FLT1: variants seen among roughly 807,000 people sequenced by gnomAD.
The protein encoded by FLT1 is vascular endothelial growth factor receptor 1.
Under a neutral mutation model 156.3 loss-of-function variants are expected in FLT1, and 49 were observed. The observed-to-expected ratio is 0.31, with a 90% CI of 0.25 to 0.40. The LOEUF is 0.40. Among genes scored for constraint, FLT1 ranks in the 10% least tolerant of loss-of-function variants. FLT1 has a pLI of 1.00. For missense variants in FLT1, 1,322 were observed against 1,637.2 expected (o/e 0.81, Z 3.32); for synonymous variants, 594 against 583.8 (o/e 1.02, Z -0.25).
chr13:28,392,659 C>T (rs549049606), intron 12 of FLT1, among the ~76,000 whole-genome samples: 2 of 152,186 alleles, frequency 1.3e-5, no homozygotes, highest in Non-Finnish European at 2.9e-5. Context: ...CAAGCACCAC[C>T]AGGAATCTCA....
At chr13:28,387,808 T>A (rs56065910) in intron 13 of FLT1, 87 of 927,854 alleles carry the variant, frequency 9.4e-5, no homozygotes, top group Middle Eastern at 1.0e-3. Context: ...AAAGTTTCTT[T>A]AAAAAAAAAA....
Position 28,301,270 on chromosome 13 carries a change from G to T in FLT1, c.*1897C>A, listed in dbSNP as rs1870504549. On this transcript the variant is annotated 3_prime_UTR_variant, in exon 30 of 30. Coordinates refer to ENST00000282397, the MANE Select transcript of FLT1 (RefSeq NM_002019.4). ...TTTATAAAATTGCCAGCTGTCACAG[G>T]TGGTTTGCGTATGTAAAGAAGAGGA... 1 of 224,766 alleles carries T rather than the reference G, an allele frequency of 4.4e-6. No individual in the cohort carries two copies. The highest frequency in any genetic ancestry group is 1.8e-4 in the South Asian group (1 of 5,434). 13.9% of individuals were successfully genotyped at this position (224,766 alleles called of 1,614,324 possible). A position where few individuals can be genotyped will look rare whatever the true frequency, so the allele number is the denominator to read the frequency against.
intron 13 of FLT1, chr13:28,385,872 A>T: frequency 9.5e-7 from 1 of 1,052,484 alleles, no homozygotes; most frequent in African/African-American, 1.7e-5. Context: ...ATCTCTAATG[A>T]AGTAGTCAGT....
intron 10 of FLT1, among the ~76,000 whole-genome samples, chr13:28,415,215 C>T (rs1876574608): frequency 6.6e-6 from 1 of 152,230 alleles, no homozygotes; most frequent in African/African-American, 2.4e-5. Flanking sequence ...TGCGGTGGCT[C>T]ATGCCTGTAA....
chr13:28,312,529 T>C (rs1871047961), intron 25 of FLT1, among the ~76,000 whole-genome samples: 2 of 152,048 alleles, frequency 1.3e-5, no homozygotes, highest in African/African-American at 4.8e-5. Flanking sequence ...AAAAAAGTCA[T>C]ACAGCCATAA....
At chr13:28,384,496 T>A (rs945370175) in intron 14 of FLT1, among the ~76,000 whole-genome samples, 1 of 150,918 alleles carries the variant, frequency 6.6e-6, no homozygotes, top group Non-Finnish European at 1.5e-5. Context: ...ATTATAAATC[T>A]ACTTTTCTGA....
chr13:28,318,046 A>G (rs1158582399), intron 24 of FLT1, among the ~76,000 whole-genome samples: 1 of 151,610 alleles, frequency 6.6e-6, no homozygotes, highest in African/African-American at 2.4e-5. Context: ...GCAGCCTCGA[A>G]CTCCTGGGCT....
At chr13:28,387,731 T>C in intron 13 of FLT1, 1 of 1,043,848 alleles carries the variant, frequency 9.6e-7, no homozygotes, top group Non-Finnish European at 1.2e-6. Flanking sequence ...CTCCGTTATC[T>C]TCACCTCCCT....
chr13:28,421,556 C>T (rs1877003823), intron 10 of FLT1, among the ~76,000 whole-genome samples: 1 of 151,660 alleles, frequency 6.6e-6, no homozygotes, highest in Non-Finnish European at 1.5e-5. Context: ...CTTACTGGGC[C>T]CTTATTAACA....
intron 12 of FLT1, chr13:28,396,668 C>CT (rs1255720135): frequency 2.0e-6 from 1 of 500,816 alleles, no homozygotes; most frequent in Admixed American, 3.0e-5. Context: ...AGACCCTGTG[C>CT]TAGGTACTGA....
chr13:28,373,122 A>AT (rs377009863), intron 14 of FLT1, among the ~76,000 whole-genome samples: 48 of 152,350 alleles, frequency 3.2e-4, no homozygotes, highest in African/African-American at 1.1e-3. Context: ...GATTAAGGCA[A>AT]TAAAAGGACA....
chr13:28,370,253 A>T (rs1353459698), intron 14 of FLT1, among the ~76,000 whole-genome samples: 11 of 152,142 alleles, frequency 7.2e-5, no homozygotes, highest in Non-Finnish European at 2.9e-5. Flanking sequence ...AACACCATAG[A>T]CAAAGGTCCT....
chr13:28,413,220 G>A (rs1055218507), intron 10 of FLT1, among the ~76,000 whole-genome samples: 1 of 152,102 alleles, frequency 6.6e-6, no homozygotes, highest in African/African-American at 2.4e-5. Context: ...GCTTTTCCGT[G>A]AGCGTCTTGG....
rs1418663249 is a variant in FLT1 at position 28,385,014 on chromosome 13, G to A, written c.1987C>T (p.Leu663Phe). 2.5e-6 allele frequency: 4 copies of A among 1,613,944 alleles called. No homozygotes were observed. The highest frequency in any genetic ancestry group is 3.4e-6 in the Non-Finnish European group (4 of 1,179,976). Residue 663 changes from leucine (L) to phenylalanine (F), a missense_variant, in exon 14 of 30, where the codon CTC becomes TTC. This residue lies in a region of FLT1 where 991 missense variants were observed against 1,254.8 expected (regional missense o/e 0.79). Transcript: ENST00000282397. Reference protein sequence around the residue: ...ITIRDQEAPYLLRNLSDHTVA... With the variant: ...ITIRDQEAPYFLRNLSDHTVA... ...GTGTGATCACTGAGGTTTCGCAGGA[G>A]GTATGGTGCTTCCTGATCTAGTGAA...
chr13:28,473,709 A>AG, intron 1 of FLT1, among the ~76,000 whole-genome samples: 1 of 71,134 alleles, frequency 1.4e-5, no homozygotes, highest in South Asian at 4.8e-4. Context: ...AAAGAAAGAA[A>AG]GAAAGAAAGA....
chr13:28,419,036 G>A (rs1032448024), intron 10 of FLT1, among the ~76,000 whole-genome samples: 10 of 152,322 alleles, frequency 6.6e-5, no homozygotes, highest in Middle Eastern at 3.4e-3. Flanking sequence ...CACCAAAAAT[G>A]ACTTATTGAT....
chr13:28,440,442 G>A (rs1247357812), intron 3 of FLT1, among the ~76,000 whole-genome samples: 1 of 152,216 alleles, frequency 6.6e-6, no homozygotes, highest in Non-Finnish European at 1.5e-5. Context: ...CTCTGGCTAC[G>A]TTCTCTTGAA....
Position 28,329,530 on chromosome 13 carries a change from C to A in FLT1, c.2707+85G>T, listed in dbSNP as rs186354273. 11 of 961,784 alleles carry A rather than the reference C, an allele frequency of 1.1e-5. No individual in the cohort carries two copies. The East Asian group carries it at 1.9e-4, about 17-fold the overall frequency. 59.6% of individuals were successfully genotyped at this position (961,784 alleles called of 1,614,324 possible). On this transcript the variant is annotated intron_variant, in intron 19 of 29. Coordinates refer to ENST00000282397, the MANE Select transcript of FLT1 (RefSeq NM_002019.4). ...TTCCTGGAGGCGAGGAAGCACAGTG[C>A]GGGGGAGAAGGAGCTGTAAGGCAGA...
At chr13:28,445,239 G>A (rs1002990153) in intron 3 of FLT1, among the ~76,000 whole-genome samples, 3 of 152,226 alleles carry the variant, frequency 2.0e-5, no homozygotes, top group South Asian at 2.1e-4. Flanking sequence ...CACTTTGGGA[G>A]GCTGAGACGG....
Sources: allele counts gnomAD v4.1 joint callset (sites outside exome capture counted in the v4.1 genomes callset), GRCh38; gene constraint gnomAD v4.1.1; regional missense constraint gnomAD v4.1.1; transcripts MANE v1.5; gene names NCBI Gene and HGNC (gene_info 2026-07-23, HGNC 2026-07-21).